ATM: variants seen among roughly 807,000 people sequenced by gnomAD.
ATM encodes serine-protein kinase ATM.
In ATM, 308 loss-of-function variants were observed where a neutral mutation model predicts 387.0. That is an observed-to-expected ratio of 0.80 (90% confidence interval 0.73 to 0.87). The LOEUF (loss-of-function observed/expected upper bound fraction) is 0.87, where lower values mean the gene tolerates loss of function less well. Ranked by LOEUF, ATM falls within the 40% of genes least tolerant of loss-of-function variation. ATM has a pLI of 0.00. For synonymous variants in ATM, 1,156 were observed against 1,187.3 expected (o/e 0.97, Z 0.54); for missense variants, 3,312 against 3,560.9 (o/e 0.93, Z 1.78).
chr11:108,354,977 T>C, intron 61 of ATM, 103 bp downstream of exon 61: 4 of 979,558 alleles, frequency 4.1e-6, no homozygotes, highest in African/African-American at 1.6e-5. Context: ...CATTTTAACA[T>C]AGGGGGATGT....
rs1295621086 is a variant in ATM at position 108,301,549 on chromosome 11, A to G, written c.5178-99A>G. 7 of 1,459,764 alleles carry G rather than the reference A, an allele frequency of 4.8e-6. No homozygotes were observed. In the African/African-American group the frequency reaches 7.0e-5, roughly 15 times the overall value. 90.4% of individuals were successfully genotyped at this position (1,459,764 alleles called of 1,614,324 possible). ...TGTAAATGTAAAGTTTCCTAATACA[A>G]ATTTTAAATTTTAGTTTTGAAATTT... On this transcript the variant is annotated intron_variant, in intron 34 of 62. Transcript: ENST00000675843.
rs770610463 is a variant in ATM at position 108,268,464 on chromosome 11, T to G, written c.2693T>G (p.Leu898Ter). The change falls in exon 18 of 63, where the codon TTA (leucine) becomes TGA (stop). Residue 898 changes from leucine (L) to a stop codon, truncating the protein, a stop_gained. Transcript: ENST00000675843. LOFTEE classifies it high-confidence loss of function. ...EYLSKQDLLF[L>*]DMLKFLCLCV... Reference sequence around the variant, plus strand: ...CTGTCAAAGCAAGATCTACTTTTCTTAGACATGCTCAAGTTCTTGTGTTTG... The same window carrying G: ...CTGTCAAAGCAAGATCTACTTTTCTGAGACATGCTCAAGTTCTTGTGTTTG... 6.2e-7 allele frequency: 1 copy of G among 1,614,088 alleles called. No individual in the cohort carries two copies. Among genetic ancestry groups the G allele is most frequent in the Non-Finnish European group, 8.5e-7 (1 of 1,179,992 alleles).
intron 54 of ATM, 21 bp downstream of exon 54, chr11:108,333,989 GA>G (rs1263252934): frequency 6.4e-7 from 1 of 1,568,640 alleles, no homozygotes; most frequent in Non-Finnish European, 8.8e-7. Context: ...ATTAACTCTT[GA>G]TTTTTTTTAA....
chr11:108,280,434 A>G (rs960327147), intron 23 of ATM, among the ~76,000 whole-genome samples: 1 of 152,170 alleles, frequency 6.6e-6, no homozygotes, highest in Non-Finnish European at 1.5e-5. Context: ...GCATATTGTC[A>G]TGAACAAAGT....
intron 31 of ATM, among the ~76,000 whole-genome samples, chr11:108,293,888 A>ATAT (rs1389525920): frequency 1.6e-3 from 170 of 108,952 alleles, no homozygotes; most frequent in East Asian, 3.0e-3. Flanking sequence ...AAAAAAAAAA[A>ATAT]AAAAAAATAT....
intron 39 of ATM, 75 bp from the exon 40 acceptor site, chr11:108,312,336 A>G: frequency 8.9e-7 from 1 of 1,125,192 alleles, no homozygotes; most frequent in Non-Finnish European, 1.3e-6. Flanking sequence ...TTTTCTGTCA[A>G]AGTCTATAGT....
At chr11:108,303,610 A>C (rs1327478589) in intron 36 of ATM, among the ~76,000 whole-genome samples, 6 of 152,190 alleles carry the variant, frequency 3.9e-5, no homozygotes, top group Non-Finnish European at 8.8e-5. Flanking sequence ...ATGAGGTCAA[A>C]CATCTGCTGA....
chr11:108,260,725 G>T (rs543994794), intron 16 of ATM, among the ~76,000 whole-genome samples: 1 of 152,200 alleles, frequency 6.6e-6, no homozygotes, highest in Non-Finnish European at 1.5e-5. Flanking sequence ...TCCATCTGAG[G>T]TACCGGGTTC....
At chr11:108,248,649 G>T (rs1045404872) in intron 8 of ATM, among the ~76,000 whole-genome samples, 1 of 152,076 alleles carries the variant, frequency 6.6e-6, no homozygotes, top group African/African-American at 2.4e-5. Context: ...AGCACTTTGG[G>T]AGGCCAAGGC....
At chr11:108,242,024 G>A (rs1055085091) in intron 5 of ATM, among the ~76,000 whole-genome samples, 6 of 151,592 alleles carry the variant, frequency 4.0e-5, no homozygotes, top group East Asian at 3.9e-4. Context: ...TCAGCTCCTC[G>A]ATGTCTTTTT....
chr11:108,325,266 T>TAAA, intron 45 of ATM, 44 bp from the exon 46 acceptor site: 1 of 1,105,278 alleles, frequency 9.0e-7, no homozygotes, highest in East Asian at 2.4e-5. Flanking sequence ...TTTTTTTTTT[T>TAAA]TTCATTTCTC....
chr11:108,350,631 A>T (rs1185002453), intron 59 of ATM, among the ~76,000 whole-genome samples: 1 of 152,226 alleles, frequency 6.6e-6, no homozygotes, highest in Non-Finnish European at 1.5e-5. Context: ...CCATGCCAAC[A>T]TTCAGCGAAT....
intron 61 of ATM, chr11:108,355,271 A>G (rs1298511233): frequency 8.6e-6 from 2 of 233,612 alleles, no homozygotes; most frequent in African/African-American, 4.6e-5. Flanking sequence ...ATGGAGATCA[A>G]ATTGTCAGCA....
chr11:108,329,412 TG>T (rs1340947253), intron 49 of ATM, 174 bp downstream of exon 49: 2 of 662,042 alleles, frequency 3.0e-6, no homozygotes, highest in South Asian at 2.0e-5. Context: ...TTTTGTTTTT[TG>T]TTTTTTTTTT....
chr11:108,288,768 T>C (rs1277252981), intron 27 of ATM, among the ~76,000 whole-genome samples: 1 of 152,168 alleles, frequency 6.6e-6, no homozygotes, highest in Non-Finnish European at 1.5e-5. Flanking sequence ...TTTAAGTTAC[T>C]GAGGGTGAAA....
chr11:108,266,836 C>G (rs560806325), intron 16 of ATM, among the ~76,000 whole-genome samples: 10 of 141,768 alleles, frequency 7.1e-5, no homozygotes, highest in African/African-American at 2.4e-4. Flanking sequence ...CTTCGTCAAA[C>G]CCAGGCTGGA....
At chr11:108,271,621 T>G (rs2081589423) in intron 20 of ATM, among the ~76,000 whole-genome samples, 1 of 152,246 alleles carries the variant, frequency 6.6e-6, no homozygotes, top group Non-Finnish European at 1.5e-5. Context: ...TTAACTCATT[T>G]CTCTGCAAAT....
chr11:108,364,178 C>A (rs2091092936), intron 61 of ATM, among the ~76,000 whole-genome samples: 1 of 152,150 alleles, frequency 6.6e-6, no homozygotes. Flanking sequence ...ATAGTCCCAA[C>A]CTGCAGATTT....
chr11:108,285,570 G>C (rs981795606), intron 26 of ATM, among the ~76,000 whole-genome samples: 1 of 151,470 alleles, frequency 6.6e-6, no homozygotes, highest in Non-Finnish European at 1.5e-5. Context: ...TAAGGGATAA[G>C]TAACCAAACT....
Sources: gnomAD v4.1 joint callset for allele counts (sites outside exome capture counted in the v4.1 genomes callset) on GRCh38, gnomAD v4.1.1 for gene constraint, MANE v1.5 for transcripts, NCBI Gene and HGNC (gene_info 2026-07-23, HGNC 2026-07-21) for gene names.